The following KCNJ3 variants were observed in gnomAD, a reference collection of about 807,000 sequenced individuals.
KCNJ3 encodes the protein potassium inwardly rectifying channel subfamily J member 3.
Under a neutral mutation model 39.2 loss-of-function variants are expected in KCNJ3, and 4 were observed. The observed-to-expected ratio is 0.10, with a 90% confidence interval of 0.05 to 0.23. The LOEUF is 0.23. Ranked by LOEUF, KCNJ3 falls within the 10% of genes least tolerant of loss-of-function variation. The probability of loss-of-function intolerance (pLI) is 1.00; values close to 1 mark genes in which losing one functional copy is unlikely to be tolerated. For missense variants in KCNJ3, 276 were observed against 634.9 expected, an observed-to-expected ratio of 0.43 and a Z score of 6.08; for synonymous variants, 230 against 237.4, an observed-to-expected ratio of 0.97 and a Z score of 0.29.
chr2:154,807,499 T>A (rs1360394999), intron 2 of KCNJ3, among the ~76,000 whole-genome samples: 1 of 152,194 alleles, frequency 6.6e-6, no homozygotes, highest in Non-Finnish European at 1.5e-5. Context: ...GACTTTGTCT[T>A]TGGAGGGATA....
intron 2 of KCNJ3, among the ~76,000 whole-genome samples, chr2:154,778,764 AT>A (rs1397931356): frequency 4.6e-5 from 7 of 152,144 alleles, no homozygotes; most frequent in African/African-American, 1.2e-4. Context: ...GAGATTGGGA[AT>A]AATTCTTTTT....
At chr2:154,711,060 T>C (rs1037091941) in intron 2 of KCNJ3, among the ~76,000 whole-genome samples, 1 of 152,124 alleles carries the variant, frequency 6.6e-6, no homozygotes, top group African/African-American at 2.4e-5. Context: ...CTATTATTAT[T>C]ACGATTTTAA....
intron 2 of KCNJ3, among the ~76,000 whole-genome samples, chr2:154,724,785 C>T (rs1357279933): frequency 1.3e-5 from 2 of 149,508 alleles, no homozygotes; most frequent in African/African-American, 4.9e-5. Flanking sequence ...TACTATTATA[C>T]CTGTAATGTT....
At chr2:154,818,628 AT>A (rs1259073402) in intron 2 of KCNJ3, among the ~76,000 whole-genome samples, 5 of 152,182 alleles carry the variant, frequency 3.3e-5, no homozygotes, top group African/African-American at 1.2e-4. Context: ...ACCTAAAAAA[AT>A]GTCTGATTCT....
chr2:154,838,936 A>G (rs979081193), intron 2 of KCNJ3, among the ~76,000 whole-genome samples: 16 of 152,028 alleles, frequency 1.1e-4, no homozygotes, highest in Non-Finnish European at 1.5e-4. Context: ...TAAGCTAGAA[A>G]TTTTTATGTA....
In KCNJ3 at chr2:154,855,480, C is replaced by T; in HGVS notation, c.*167C>T. 1 of 584,584 alleles carries T rather than the reference C, an allele frequency of 1.7e-6. No homozygotes were observed. The allele number at this position is 584,584 out of a possible 1,614,324, so 36.2% of individuals were successfully genotyped here. On this transcript the variant is annotated 3_prime_UTR_variant, in exon 3 of 3. Transcript: ENST00000295101. ...AGTATTGCGAATGTGCAGAAAGCAA[C>T]AGTTACGGAGGGAGGACATCATAAG...
At chr2:154,829,310 C>G (rs1051204670) in intron 2 of KCNJ3, among the ~76,000 whole-genome samples, 4 of 152,092 alleles carry the variant, frequency 2.6e-5, no homozygotes, top group Non-Finnish European at 5.9e-5. Context: ...GCCCTGGTGT[C>G]TATTGTTTCC....
intron 2 of KCNJ3, among the ~76,000 whole-genome samples, chr2:154,774,490 T>C (rs1173791340): frequency 2.0e-5 from 3 of 152,094 alleles, no homozygotes; most frequent in Non-Finnish European, 4.4e-5. Flanking sequence ...AAAGATGATG[T>C]AATTTTTGAC....
Position 154,698,838 on chromosome 2 carries a change from C to T in KCNJ3, c.63C>T (p.Gly21=). The T allele has an allele frequency of 6.2e-7, 1 of 1,614,178 alleles. No homozygotes were observed. The highest frequency in any genetic ancestry group is 1.1e-5 in the South Asian group (1 of 91,084). Residue 21 remains glycine, a synonymous_variant, in exon 1 of 3, where the codon GGC becomes GGT. Coordinates refer to ENST00000295101, the MANE Select transcript of KCNJ3 (RefSeq NM_002239.4). ...AGGTAGTGACCACATCGTCCAGCGG[C>T]TCGGGCTTGCAGCCCCAGGGGCCAG... ...DYQVVTTSSS[G]SGLQPQGPGQ...
chr2:154,738,788 C>CA (rs959269509), intron 2 of KCNJ3, among the ~76,000 whole-genome samples: 4 of 151,218 alleles, frequency 2.6e-5, no homozygotes, highest in African/African-American at 9.7e-5. Flanking sequence ...GACTATCTTT[C>CA]AAAAAAAGAA....
At chr2:154,777,479 C>T (rs1686358003) in intron 2 of KCNJ3, among the ~76,000 whole-genome samples, 1 of 152,136 alleles carries the variant, frequency 6.6e-6, no homozygotes, top group African/African-American at 2.4e-5. Context: ...ACTTATCTTC[C>T]TTTTCTATCA....
At position 154,855,091 on chromosome 2, in the gene KCNJ3, C is replaced by T. The variant is rs1687814594; in HGVS notation, c.1284C>T (p.Tyr428=). 8 of 1,614,026 alleles carry T rather than the reference C, an allele frequency of 5.0e-6. No individual in the cohort carries two copies. Among genetic ancestry groups the T allele is most frequent in the Middle Eastern group, 1.7e-4 (1 of 6,060 alleles). The change falls in exon 3 of 3, where the codon TAC becomes TAT. Residue 428 remains tyrosine, a synonymous_variant. Transcript: ENST00000295101. ...RMSSTTSEKA[Y]SLGDLPMKLQ... ...GTTCTACAACTTCAGAAAAAGCCTA[C>T]AGCTTGGGAGACTTGCCCATGAAAC...
At chr2:154,851,736 T>C (rs1274368372) in intron 2 of KCNJ3, among the ~76,000 whole-genome samples, 1 of 152,224 alleles carries the variant, frequency 6.6e-6, no homozygotes, top group African/African-American at 2.4e-5. Context: ...GGCATTTCAG[T>C]AACAATGATT....
chr2:154,707,295 G>A (rs114699467), intron 1 of KCNJ3, among the ~76,000 whole-genome samples: 3,961 of 151,988 alleles, frequency 0.026, 156 homozygotes, highest in African/African-American at 0.09. Flanking sequence ...AGTGTATAGA[G>A]CAAATATTTA....
At chr2:154,746,147 G>A (rs1685738076) in intron 2 of KCNJ3, among the ~76,000 whole-genome samples, 1 of 151,852 alleles carries the variant, frequency 6.6e-6, no homozygotes, top group African/African-American at 2.4e-5. Context: ...TCTTCCTCGT[G>A]ATGGTTTTTT....
intron 2 of KCNJ3, among the ~76,000 whole-genome samples, chr2:154,733,592 T>C (rs998454144): frequency 2.0e-5 from 3 of 152,160 alleles, no homozygotes; most frequent in African/African-American, 7.2e-5. Context: ...TATGAAAAAT[T>C]CCTTCTTGTC....
At chr2:154,798,066 C>T (rs1686750818) in intron 2 of KCNJ3, among the ~76,000 whole-genome samples, 1 of 151,960 alleles carries the variant, frequency 6.6e-6, no homozygotes, top group African/African-American at 2.4e-5. Context: ...AACAATGTTA[C>T]ATGTTTACAC....
chr2:154,726,818 C>CACAT (rs1168954635), intron 2 of KCNJ3, among the ~76,000 whole-genome samples: 29 of 150,552 alleles, frequency 1.9e-4, no homozygotes, highest in Middle Eastern at 3.4e-3. Context: ...CACACACACA[C>CACAT]ACACACACAC....
At chr2:154,755,386 G>C (rs937562408) in intron 2 of KCNJ3, among the ~76,000 whole-genome samples, 1 of 151,342 alleles carries the variant, frequency 6.6e-6, no homozygotes, top group Non-Finnish European at 1.5e-5. Context: ...GATAAGTTTT[G>C]TCATGTGTAT....
Sources: gnomAD v4.1 joint callset for allele counts (sites outside exome capture counted in the v4.1 genomes callset) on GRCh38, gnomAD v4.1.1 for gene constraint, MANE v1.5 for transcripts, NCBI Gene and HGNC (gene_info 2026-07-23, HGNC 2026-07-21) for gene names.